Variants in HCLS1 observed in about 807,000 individuals in gnomAD.
The protein encoded by HCLS1 is hematopoietic lineage cell-specific protein.
In HCLS1, 44 loss-of-function variants were observed where a neutral mutation model predicts 68.6. That is an observed-to-expected ratio of 0.64 (90% CI 0.50 to 0.82). The LOEUF (loss-of-function observed/expected upper bound fraction) is 0.82, where lower values mean the gene tolerates loss of function less well. Among genes scored for constraint, HCLS1 ranks in the 40% least tolerant of loss-of-function variants. HCLS1 has a pLI of 0.00. For missense variants in HCLS1, 602 were observed against 612.1 expected, an observed-to-expected ratio of 0.98 and a Z score of 0.17; for synonymous variants, 217 against 225.8, an observed-to-expected ratio of 0.96 and a Z score of 0.35.
At chr3:121,657,924 C>G in intron 2 of HCLS1, 1 of 266,940 alleles carries the variant, frequency 3.7e-6, no homozygotes, top group Middle Eastern at 1.2e-3. Context: ...TGGTCTCCTA[C>G]AGCTTTTTAA....
intron 7 of HCLS1, 152 bp downstream of exon 7, chr3:121,636,994 C>T (rs571402854): frequency 2.5e-5 from 16 of 634,484 alleles, no homozygotes; most frequent in East Asian, 1.7e-4. Context: ...TCACTACCAC[C>T]ACCTGTCCCC....
At chr3:121,638,984 C>T (rs2049173824) in intron 6 of HCLS1, among the ~76,000 whole-genome samples, 1 of 150,954 alleles carries the variant, frequency 6.6e-6, no homozygotes, top group Non-Finnish European at 1.5e-5. Context: ...AGTTCGAGAC[C>T]AGCCTGAGAA....
chr3:121,648,929 C>CCAATATCTTCCAACTGAAGTAT (rs1937673697), intron 3 of HCLS1, among the ~76,000 whole-genome samples: 1 of 151,988 alleles, frequency 6.6e-6, no homozygotes, highest in Non-Finnish European at 1.5e-5. Flanking sequence ...AAATGCCTGC[C>CCAATATCTTCCAACTGAAGTAT]CAATATCTTC....
Position 121,636,427 on chromosome 3 carries a change from G to A in HCLS1, c.621+7C>T. 6.2e-7 allele frequency: 1 copy of A among 1,608,656 alleles called. No homozygotes were observed. Among genetic ancestry groups the A allele is most frequent in the East Asian group, 2.2e-5 (1 of 44,844 alleles). ...CTTCTTAAGACATTGGTGTTCCGGTGCTTTACCTTATCCACTCGGTCCTTC... is the reference window on the plus strand; with the variant it reads ...CTTCTTAAGACATTGGTGTTCCGGTACTTTACCTTATCCACTCGGTCCTTC... On this transcript the variant is annotated splice_region_variant and intron_variant, in intron 8 of 13. Coordinates refer to ENST00000314583, the MANE Select transcript of HCLS1 (RefSeq NM_005335.6).
chr3:121,634,880 C>T (rs550212299), intron 9 of HCLS1, among the ~76,000 whole-genome samples: 1 of 152,312 alleles, frequency 6.6e-6, no homozygotes, highest in South Asian at 2.1e-4. Context: ...GATTATCCTA[C>T]TTCAGCATCC....
chr3:121,637,972 G>A (rs2049165695), intron 6 of HCLS1, among the ~76,000 whole-genome samples: 1 of 151,936 alleles, frequency 6.6e-6, no homozygotes, highest in Admixed American at 6.6e-5. Flanking sequence ...GAAAGGAAGG[G>A]AAAAAATCCT....
chr3:121,647,464 T>C lies in HCLS1; in HGVS notation c.159-16A>G. On this transcript the variant is annotated splice_polypyrimidine_tract_variant and intron_variant, in intron 3 of 13. Transcript: ENST00000314583. ...CTGGTGGATGCTGGAAGAAACCACA[T>C]GACCAAGGCTCATCTATCCTAGGGA... 6.2e-7 allele frequency: 1 copy of C among 1,613,778 alleles called. No individual in the cohort carries two copies.
At chr3:121,632,904 C>T (rs1284623641) in intron 11 of HCLS1, among the ~76,000 whole-genome samples, 163 bp downstream of exon 11, 1 of 152,186 alleles carries the variant, frequency 6.6e-6, no homozygotes, top group African/African-American at 2.4e-5. Flanking sequence ...ATCATCTATA[C>T]TAGTTTGCCC....
chr3:121,634,050 A>G (rs1159983160), intron 10 of HCLS1, among the ~76,000 whole-genome samples, 157 bp downstream of exon 10: 2 of 152,156 alleles, frequency 1.3e-5, no homozygotes, highest in Admixed American at 1.3e-4. Flanking sequence ...AGGAGGTCCA[A>G]TTACAGTCAG....
chr3:121,650,203 C>T (rs1411024706), intron 3 of HCLS1, among the ~76,000 whole-genome samples: 1 of 152,152 alleles, frequency 6.6e-6, no homozygotes, highest in Non-Finnish European at 1.5e-5. Flanking sequence ...ATCCCATGTT[C>T]ATGGATTGGA....
At chr3:121,659,054 A>G (rs1051098690) in intron 1 of HCLS1, among the ~76,000 whole-genome samples, 33 of 152,374 alleles carry the variant, frequency 2.2e-4, no homozygotes, top group African/African-American at 7.9e-4. Flanking sequence ...AAGTCAAAAA[A>G]TAGCATGTTT....
chr3:121,633,214 T>C, intron 10 of HCLS1, 43 bp from the exon 11 acceptor site: 1 of 1,284,366 alleles, frequency 7.8e-7, no homozygotes, highest in Non-Finnish European at 1.1e-6. Context: ...AGCCTCCATC[T>C]TCACTCCTTT....
At chr3:121,646,842 A>G (rs1576466129) in intron 4 of HCLS1, among the ~76,000 whole-genome samples, 1 of 142,578 alleles carries the variant, frequency 7.0e-6, no homozygotes, top group East Asian at 2.0e-4. Flanking sequence ...ATTATTTATT[A>G]TAGAGTCAAT....
intron 4 of HCLS1, 61 bp from the exon 5 acceptor site, chr3:121,644,989 C>T (rs1298910562): frequency 7.8e-7 from 1 of 1,289,762 alleles, no homozygotes; most frequent in Non-Finnish European, 1.1e-6. Context: ...AAAATAAATA[C>T]AGATATGGAG....
At position 121,642,933 on chromosome 3, in the gene HCLS1, G is replaced by T; in HGVS notation, c.448C>A (p.Gln150Lys). ...YKGEVEKHTS[Q>K]KDYSRGFGGR... The stretch of plus-strand genomic sequence containing the variant: ...TGAAGTACAGTGTCCTTGCCTTTCT[G>T]AGATGTGTGCTTCTCCACTTCTCCT... The change falls in exon 6 of 14, where the codon CAG (glutamine) becomes AAG (lysine). Residue 150 changes from glutamine to lysine, a missense_variant. Coordinates refer to ENST00000314583, the MANE Select transcript of HCLS1 (RefSeq NM_005335.6). The T allele has an allele frequency of 6.2e-7, 1 of 1,612,578 alleles. No homozygotes were observed. The highest frequency in any genetic ancestry group is 1.1e-5 in the South Asian group (1 of 91,036).
intron 3 of HCLS1, among the ~76,000 whole-genome samples, chr3:121,647,882 C>G (rs1224521710): frequency 6.6e-6 from 1 of 152,126 alleles, no homozygotes; most frequent in Admixed American, 6.5e-5. Context: ...GCAGTCTACA[C>G]CAGGGAAATG....
At chr3:121,635,237 T>TC (rs2049138799) in intron 9 of HCLS1, among the ~76,000 whole-genome samples, 4 of 114,448 alleles carry the variant, frequency 3.5e-5, no homozygotes, top group Admixed American at 1.9e-4. Flanking sequence ...TCTCTCCCTT[T>TC]TCTCTCTCTC....
chr3:121,656,433 G>T (rs1372708257), intron 3 of HCLS1, among the ~76,000 whole-genome samples: 2 of 152,174 alleles, frequency 1.3e-5, no homozygotes, highest in East Asian at 3.8e-4. Context: ...ACTATCCAAA[G>T]CAGATGGTCC....
At position 121,631,640 on chromosome 3, in the gene HCLS1, T is replaced by C. The variant is rs2049098030; in HGVS notation, c.*206A>G. On this transcript the variant is annotated 3_prime_UTR_variant, in exon 14 of 14. Transcript: ENST00000314583. ...GTCAGGAACACAAGAGAAATGTTCA[T>C]GAGCTCATCCAGGATAGAGAGGACT... The C allele has an allele frequency of 1.8e-6, 1 of 570,616 alleles. No individual in the cohort carries two copies. Among genetic ancestry groups the C allele is most frequent in the Non-Finnish European group, 3.1e-6 (1 of 320,380 alleles). 35.3% of individuals were successfully genotyped at this position (570,616 alleles called of 1,614,324 possible). A position where few individuals can be genotyped will look rare whatever the true frequency, so the allele number is the denominator to read the frequency against.
Sources: allele counts gnomAD v4.1 joint callset (sites outside exome capture counted in the v4.1 genomes callset), GRCh38; gene constraint gnomAD v4.1.1; transcripts MANE v1.5; gene names NCBI Gene and HGNC (gene_info 2026-07-23, HGNC 2026-07-21).